The following ABCC10 variants were observed in gnomAD, a reference collection of about 807,000 sequenced individuals.
ABCC10 encodes the protein ATP binding cassette subfamily C member 10.
Under a neutral mutation model 143.2 loss-of-function variants are expected in ABCC10, and 110 were observed. The ratio of observed to expected loss-of-function variants is 0.77; its 90% CI spans 0.66 to 0.90. The LOEUF is 0.90. Ranked by LOEUF, ABCC10 falls within the 40% of genes least tolerant of loss-of-function variation. The probability of loss-of-function intolerance (pLI) is 0.00; values close to 1 mark genes in which losing one functional copy is unlikely to be tolerated. For missense variants in ABCC10, 1,700 were observed against 1,900.5 expected (o/e 0.89, Z 1.96); for synonymous variants, 805 against 846.7 (o/e 0.95, Z 0.85).
chr6:43,448,628 C>T (rs554436604), intron 18 of ABCC10, among the ~76,000 whole-genome samples: 6 of 152,128 alleles, frequency 3.9e-5, no homozygotes, highest in East Asian at 1.9e-4. Flanking sequence ...TGTGCACCTC[C>T]GTGAAATGTA....
chr6:43,428,032 G>A lies in ABCC10; in HGVS notation c.54G>A (p.Pro18=), dbSNP rs1780688779. ...GCAGCAGCGCAGCGTGGCCGCTCCCGCTGTGGGAGGGGGACACCACAGGCC... is the reference window on the plus strand; with the variant it reads ...GCAGCAGCGCAGCGTGGCCGCTCCCACTGTGGGAGGGGGACACCACAGGCC... ...LCGSSAAWPL[P]LWEGDTTGHC... Residue 18 remains proline, a synonymous_variant, in exon 2 of 22, where the codon CCG becomes CCA. Coordinates refer to ENST00000372530, the MANE Select transcript of ABCC10 (RefSeq NM_001198934.2). 1.1e-5 allele frequency: 18 copies of A among 1,605,956 alleles called. No individual in the cohort carries two copies. Among genetic ancestry groups the A allele is most frequent in the Non-Finnish European group, 1.5e-5 (18 of 1,177,166 alleles).
intron 16 of ABCC10, chr6:43,446,757 C>T (rs747456946): frequency 1.2e-4 from 152 of 1,222,540 alleles, no homozygotes; most frequent in Middle Eastern, 3.2e-4. Context: ...GCCGTCCCTC[C>T]CAGCTTCTCC....
chr6:43,442,052 C>T, intron 9 of ABCC10, 92 bp downstream of exon 9: 2 of 1,103,642 alleles, frequency 1.8e-6, no homozygotes, highest in Non-Finnish European at 2.7e-6. Flanking sequence ...GGAATATTTT[C>T]CTTAGCATCT....
intron 4 of ABCC10, 143 bp downstream of exon 4, chr6:43,434,991 C>T: frequency 1.2e-6 from 1 of 839,568 alleles, no homozygotes; most frequent in Non-Finnish European, 1.8e-6. Context: ...CTGAAGAAAC[C>T]TTTTTGTGGG....
At chr6:43,445,091 T>G (rs1562196336) in intron 13 of ABCC10, 34 bp from the exon 14 acceptor site, 1 of 1,609,630 alleles carries the variant, frequency 6.2e-7, no homozygotes, top group East Asian at 2.2e-5. Flanking sequence ...TGGCCCTAGT[T>G]TTGGTTACCG....
In ABCC10 at chr6:43,448,908, G is replaced by C; in HGVS notation, c.3987G>C (p.Glu1329Asp). Residue 1329 changes from glutamate (E) to aspartate (D), a missense_variant, in exon 19 of 22, where the codon GAG becomes GAC. Glu to Asp is a conservative substitution (Grantham distance 45). Transcript: ENST00000372530. ...CCCAGTTGGCTATCATCCCCCAGGA[G>C]CCCTTTTTGTTCAGTGGGACTGTTC... ...LRSQLAIIPQEPFLFSGTVRE... is the reference protein window; with the variant it reads ...LRSQLAIIPQDPFLFSGTVRE... 6.2e-7 allele frequency: 1 copy of C among 1,614,082 alleles called. No homozygotes were observed. Among genetic ancestry groups the C allele is most frequent in the Non-Finnish European group, 8.5e-7 (1 of 1,179,962 alleles).
chr6:43,430,788 T>C (rs1197755498), intron 2 of ABCC10: 1 of 149,078 alleles, frequency 6.7e-6, no homozygotes, highest in Non-Finnish European at 1.5e-5. Context: ...AGTGGCACGA[T>C]CTCAGCTCAC....
In ABCC10 at chr6:43,444,807, CTG is replaced by C; in HGVS notation, c.2710_2711del (p.Trp904ValfsTer12). On this transcript the variant is annotated frameshift_variant, in exon 13 of 22. Transcript: ENST00000372530. LOFTEE classifies it high-confidence loss of function. The part of the protein sequence containing the change: ...LMQATRNAAD[W>X]WLSHWISQLK... Reference sequence around the variant, plus strand: ...ACCCAGCCACGCGGAACGCTGCTGACTGGTGGCTCTCCCACTGGATCTCTCAG... The same window carrying C: ...ACCCAGCCACGCGGAACGCTGCTGACGTGGCTCTCCCACTGGATCTCTCAG... 1.2e-6 allele frequency: 2 copies of C among 1,607,834 alleles called. No homozygotes were observed. Among genetic ancestry groups the C allele is most frequent in the Non-Finnish European group, 1.7e-6 (2 of 1,177,154 alleles).
downstream of ABCC10, chr6:43,450,549 G>A (rs1783649910): frequency 1.9e-6 from 3 of 1,562,048 alleles, no homozygotes; most frequent in East Asian, 2.2e-5. This position sits in a 1 kb window ranked among gnomAD's most constrained non-coding sequence, Gnocchi z 4.5. Flanking sequence ...TCACAGTGCT[G>A]TGGTCTTTCC....
chr6:43,432,213 T>C lies in ABCC10; in HGVS notation c.233T>C (p.Val78Ala). ...CTTGCAGCTTCCTTCCTGCTTTCCG[T>C]CTTCCCGCTGCTAGACCTTCTTCCA... ...LRLAASFLLS[V>A]FPLLDLLPVA... The change falls in exon 3 of 22, where the codon GTC becomes GCC. Residue 78 changes from valine (V) to alanine (A), a missense_variant. Val to Ala is a moderately conservative substitution (Grantham distance 64). Transcript: ENST00000372530. 2 of 1,614,214 alleles carry C rather than the reference T, an allele frequency of 1.2e-6. No homozygotes were observed. The highest frequency in any genetic ancestry group is 1.7e-6 in the Non-Finnish European group (2 of 1,180,034).
At position 43,435,825 on chromosome 6, in the gene ABCC10, C is replaced by G; in HGVS notation, c.1683C>G (p.Leu561=). The stretch of plus-strand genomic sequence containing the variant: ...ACTTCCCTTGGGTGATCAATGGTCT[C>G]CTGGAGGCCAAAGTGTCCTTGGACC... The part of the protein sequence containing the change: ...LNNFPWVING[L]LEAKVSLDRI... The change falls in exon 5 of 22, where the codon CTC becomes CTG. Residue 561 remains leucine, a synonymous_variant. Transcript: ENST00000372530. The G allele has an allele frequency of 6.2e-7, 1 of 1,614,192 alleles. No homozygotes were observed. Among genetic ancestry groups the G allele is most frequent in the Non-Finnish European group, 8.5e-7 (1 of 1,180,032 alleles).
intron 15 of ABCC10, 128 bp downstream of exon 15, chr6:43,446,070 A>C: frequency 8.2e-7 from 1 of 1,216,096 alleles, no homozygotes; most frequent in Non-Finnish European, 1.1e-6. Context: ...GAAGGAGGAA[A>C]GCAACAGAAG....
chr6:43,432,589 C>G lies in ABCC10; in HGVS notation c.609C>G (p.Pro203=), dbSNP rs756105261. The G allele has an allele frequency of 6.2e-7, 1 of 1,613,698 alleles. No individual in the cohort carries two copies. ...GGPREPWAQE[P]LLPEDQEPEV... ...CACGAGAACCCTGGGCTCAGGAGCC[C>G]CTCCTGCCCGAGGATCAAGAACCTG... Residue 203 remains proline, a synonymous_variant, in exon 3 of 22, where the codon CCC becomes CCG. Coordinates refer to ENST00000372530, the MANE Select transcript of ABCC10 (RefSeq NM_001198934.2).
At position 43,431,715 on chromosome 6, in the gene ABCC10, A is replaced by G. The variant is rs1781152050; in HGVS notation, c.162-427A>G. 4.2e-6 allele frequency: 3 copies of G among 722,464 alleles called. No homozygotes were observed. In the Admixed American group the frequency reaches 1.8e-4, roughly 43 times the overall value. 44.8% of individuals were successfully genotyped at this position (722,464 alleles called of 1,614,324 possible). ...GAGGCATATGTGCTTGTTTGTTATT[A>G]TACATGGATATATTATGTGATGCTG... On this transcript the variant is annotated intron_variant, in intron 2 of 21. Transcript: ENST00000372530.
At chr6:43,440,358 G>T (rs753682220) in intron 8 of ABCC10, among the ~76,000 whole-genome samples, 5 of 152,210 alleles carry the variant, frequency 3.3e-5, no homozygotes, top group African/African-American at 4.8e-5. Context: ...CTCACGCAGA[G>T]GAAGCACCCG....
Position 43,427,613 on chromosome 6 carries a change from C to A in ABCC10, c.-156C>A. 3.0e-6 allele frequency: 1 copy of A among 337,746 alleles called. No homozygotes were observed. The highest frequency in any genetic ancestry group is 5.6e-6 in the Non-Finnish European group (1 of 177,652). The allele number at this position is 337,746 out of a possible 1,614,324, so 20.9% of individuals were successfully genotyped here. On this transcript the variant is annotated 5_prime_UTR_variant, in exon 1 of 22. Coordinates refer to ENST00000372530, the MANE Select transcript of ABCC10 (RefSeq NM_001198934.2). ...GGTGGGGTGCCAGCCGGGGCGGGCC[C>A]AGCACCCCGGCCGGGCAGTACTTTT...
At chr6:43,450,564 T>C, downstream of ABCC10, 1 of 1,571,186 alleles carries the variant, frequency 6.4e-7, no homozygotes. This position sits in a 1 kb window ranked among gnomAD's most constrained non-coding sequence, Gnocchi z 4.5. Context: ...CTTTCCAGGC[T>C]CAGGGGGCAA....
chr6:43,432,871 GT>G lies in ABCC10; in HGVS notation c.893del (p.Leu298TrpfsTer23), dbSNP rs754124384. 4.2e-5 allele frequency: 68 copies of G among 1,614,078 alleles called. No homozygotes were observed. ...GACTGCTGAAGCTGGTGGGGACCAT[GT>G]TGGGATTCTCAGGGCCCCTGTTGCT... ...LGLLKLVGTMLGFSGPLLLSL... is the reference protein window; with the variant it reads ...LGLLKLVGTMXGFSGPLLLSL... On this transcript the variant is annotated frameshift_variant, in exon 3 of 22. Coordinates refer to ENST00000372530, the MANE Select transcript of ABCC10 (RefSeq NM_001198934.2). LOFTEE classifies it high-confidence loss of function.
Position 43,444,368 on chromosome 6 carries a change from G to A in ABCC10, c.2689+15G>A. 1 of 1,588,246 alleles carries A rather than the reference G, an allele frequency of 6.3e-7. No individual in the cohort carries two copies. Among genetic ancestry groups the A allele is most frequent in the Non-Finnish European group, 8.6e-7 (1 of 1,168,624 alleles). ...TCTCATGCAAGGTGAGAGCGTGCCT[G>A]GGAGTCTCTTACATCGTAACGGCTG... On this transcript the variant is annotated intron_variant, in intron 12 of 21. Coordinates refer to ENST00000372530, the MANE Select transcript of ABCC10 (RefSeq NM_001198934.2).
Sources: gnomAD v4.1 joint callset for allele counts (sites outside exome capture counted in the v4.1 genomes callset) on GRCh38, gnomAD v4.1.1 for gene constraint, Gnocchi (gnomAD v3.1) non-coding constraint, MANE v1.5 for transcripts, NCBI Gene and HGNC (gene_info 2026-07-23, HGNC 2026-07-21) for gene names.